The following LRRC37A2 variants were observed in gnomAD, a reference collection of about 807,000 sequenced individuals.
LRRC37A2 encodes the protein leucine rich repeat containing 37 member A2, also known as leucine-rich repeat-containing protein 37A2.
A neutral mutation model predicts 68.8 loss-of-function variants in LRRC37A2; 9 were observed. That is an observed-to-expected ratio of 0.13 (90% CI 0.08 to 0.23). The LOEUF (loss-of-function observed/expected upper bound fraction) is 0.23. LRRC37A2 is among the 10% of genes least tolerant of loss of function. The pLI is 1.00. For missense variants in LRRC37A2, 168 were observed against 950.4 expected, an observed-to-expected ratio of 0.18 and a Z score of 10.82; for synonymous variants, 63 against 367.6, an observed-to-expected ratio of 0.17 and a Z score of 9.48.
the LRRC37A2 span, among the ~76,000 whole-genome samples, chr17:47,023,844 C>T: frequency 7.9e-5 from 12 of 152,036 alleles, no homozygotes; most frequent in Non-Finnish European, 1.5e-4. Flanking sequence ...ATTCACACAC[C>T]TTGGCTTTCC....
the LRRC37A2 span, among the ~76,000 whole-genome samples, chr17:46,820,946 T>C: frequency 5.7e-3 from 865 of 151,962 alleles, 13 homozygotes; most frequent in African/African-American, 0.02. Context: ...GATGGCTTCT[T>C]GGGGTCATTA....
At chr17:47,026,744 G>C in the LRRC37A2 span, among the ~76,000 whole-genome samples, 1 of 152,242 alleles carries the variant, frequency 6.6e-6, no homozygotes, top group East Asian at 1.9e-4. Flanking sequence ...TAATATGATA[G>C]AAATTAATTC....
the LRRC37A2 span, among the ~76,000 whole-genome samples, chr17:46,787,921 A>G: frequency 1.3e-5 from 2 of 148,454 alleles, no homozygotes; most frequent in Admixed American, 6.9e-5. Flanking sequence ...GTGCCACTGC[A>G]CTCCAGCCTG....
the LRRC37A2 span, among the ~76,000 whole-genome samples, chr17:46,991,614 AAAAAATAAAAT>A: frequency 2.2e-5 from 2 of 88,898 alleles, no homozygotes; most frequent in African/African-American, 4.0e-5. Context: ...CTCCATCTCA[AAAAAATAAAAT>A]AAAATAAAAT....
At chr17:46,757,548 C>A in the LRRC37A2 span, 1 of 152,422 alleles carries the variant, frequency 6.6e-6, no homozygotes, top group Non-Finnish European at 1.5e-5. Context: ...AGGAAAGAAA[C>A]CTCTCCGTGT....
At chr17:46,927,826 T>A in the LRRC37A2 span, among the ~76,000 whole-genome samples, 2 of 152,214 alleles carry the variant, frequency 1.3e-5, no homozygotes, top group South Asian at 2.1e-4. Context: ...TTCAGAGTGG[T>A]CTTGGCTATT....
At chr17:46,779,103 A>ACACACACAC in the LRRC37A2 span, among the ~76,000 whole-genome samples, 325 of 133,628 alleles carry the variant, frequency 2.4e-3, no homozygotes, top group African/African-American at 8.1e-3. Context: ...ACACACACAC[A>ACACACACAC]CCCCAGCCCA....
At chr17:46,721,823 T>C in the LRRC37A2 span, 1 of 1,597,412 alleles carries the variant, frequency 6.3e-7, no homozygotes, top group Non-Finnish European at 8.6e-7. Context: ...CCTGGGACAC[T>C]TTTGCTTATT....
chr17:47,033,531 A>T, the LRRC37A2 span: 1 of 601,534 alleles, frequency 1.7e-6, no homozygotes, highest in Admixed American at 3.0e-5. Flanking sequence ...ATTCTAGCAT[A>T]GATCATTTTG....
At chr17:46,940,425 C>T in the LRRC37A2 span, 1 of 1,599,350 alleles carries the variant, frequency 6.3e-7, no homozygotes, top group South Asian at 1.1e-5. Context: ...ATCTGTCTAA[C>T]TCTGGGGAGG....
At chr17:46,909,389 T>C in the LRRC37A2 span, among the ~76,000 whole-genome samples, 1 of 152,198 alleles carries the variant, frequency 6.6e-6, no homozygotes, top group South Asian at 2.1e-4. Flanking sequence ...ATGGCACATT[T>C]AAAATGGAAA....
the LRRC37A2 span, among the ~76,000 whole-genome samples, chr17:46,925,111 C>T: frequency 6.6e-6 from 1 of 152,120 alleles, no homozygotes; most frequent in Non-Finnish European, 1.5e-5. Context: ...CCCTTGGACT[C>T]TAGCAGCTTG....
chr17:47,035,179 C>A, the LRRC37A2 span: 2 of 152,172 alleles, frequency 1.3e-5, no homozygotes, highest in Non-Finnish European at 2.9e-5. Flanking sequence ...ATCCACATAC[C>A]ATCAACGCAG....
chr17:47,017,618 G>A, the LRRC37A2 span: 25 of 1,587,664 alleles, frequency 1.6e-5, no homozygotes, highest in East Asian at 6.7e-5. Flanking sequence ...CACAGGAAAG[G>A]CTCCCTGTTT....
At chr17:46,900,192 T>TAC in the LRRC37A2 span, among the ~76,000 whole-genome samples, 228 of 97,402 alleles carry the variant, frequency 2.3e-3, no homozygotes, top group African/African-American at 0.01. Flanking sequence ...TATATATATA[T>TAC]ATATATATAT....
At chr17:46,807,667 C>T in the LRRC37A2 span, among the ~76,000 whole-genome samples, 1 of 152,194 alleles carries the variant, frequency 6.6e-6, no homozygotes, top group African/African-American at 2.4e-5. Flanking sequence ...ATCCCAAAGA[C>T]AAGTCTTTAT....
At chr17:46,795,278 G>A in the LRRC37A2 span, among the ~76,000 whole-genome samples, 4 of 152,126 alleles carry the variant, frequency 2.6e-5, no homozygotes, top group Admixed American at 6.5e-5. Flanking sequence ...CTCTACCGGC[G>A]CCCCATGTCT....
the LRRC37A2 span, among the ~76,000 whole-genome samples, chr17:46,994,422 G>A: frequency 1.3e-5 from 2 of 151,838 alleles, no homozygotes; most frequent in South Asian, 2.1e-4. Flanking sequence ...GTTGGGAGTT[G>A]AAGAGTGGGG....
downstream of LRRC37A2, among the ~76,000 whole-genome samples, chr17:46,558,553 ATTTTTTTT>A (rs58227880): frequency 1.0e-5 from 1 of 100,246 alleles, no homozygotes; most frequent in Admixed American, 1.0e-4. Flanking sequence ...TGCCCGGCCA[ATTTTTTTT>A]TTTTTTTTTT....
Sources: allele counts gnomAD v4.1 joint callset (sites outside exome capture counted in the v4.1 genomes callset), GRCh38; gene constraint gnomAD v4.1.1; transcripts MANE v1.5; gene names NCBI Gene and HGNC (gene_info 2026-07-23, HGNC 2026-07-21).